Variants in CFAP299 observed in about 807,000 individuals in gnomAD.
CFAP299 encodes cilia- and flagella-associated protein 299.
In CFAP299, 21 loss-of-function variants were observed where a neutral mutation model predicts 27.0. The observed-to-expected ratio is 0.78, with a 90% CI of 0.55 to 1.12. The LOEUF is 1.12. Among genes scored for constraint, CFAP299 ranks in the 50% most tolerant of loss-of-function variants. The pLI is 0.00. For missense variants in CFAP299, 310 were observed against 276.6 expected (o/e 1.12, Z -0.86); for synonymous variants, 104 against 98.1 (o/e 1.06, Z -0.36).
rs555833632 is a variant in CFAP299, at chr4:80,784,703, G to C, written c.334-85290G>C. On this transcript the variant is annotated intron_variant, in intron 3 of 5. Coordinates refer to ENST00000358105, the MANE Select transcript of CFAP299 (RefSeq NM_152770.3). ...CAGCTAATTTTGTATTTCTAGTGGA[G>C]ACTAGAAATGGGTTTCTCCATGTTG... is the stretch of plus-strand genomic sequence containing the variant. 6.6e-5 allele frequency among the ~76,000 whole-genome samples: 10 copies of C among 151,796 alleles called. No individual in the cohort carries two copies. The South Asian group carries it at 1.9e-3, about 28-fold the overall frequency.
intron 2 of CFAP299, among the ~76,000 whole-genome samples, chr4:80,449,341 A>G (rs28455549): frequency 0.096 from 14,531 of 152,036 alleles, 1,742 homozygotes; most frequent in African/African-American, 0.28. Flanking sequence ...TTTAAATTTT[A>G]TTATTAATCA....
chr4:80,833,053 GATTTT>G (rs953266694), intron 3 of CFAP299, among the ~76,000 whole-genome samples: 9 of 151,876 alleles, frequency 5.9e-5, no homozygotes, highest in African/African-American at 1.7e-4. Context: ...TACGTTTTGT[GATTTT>G]ATAGTAATTA....
In CFAP299 at chr4:80,624,049, T is replaced by A. The variant is rs1193499359; in HGVS notation, c.333+40866T>A. Among the ~76,000 whole-genome samples, 5 of 152,266 alleles carry A rather than the reference T, an allele frequency of 3.3e-5. No homozygotes were observed. The South Asian group carries it at 8.3e-4, about 25-fold the overall frequency. On this transcript the variant is annotated intron_variant, in intron 3 of 5. Transcript: ENST00000358105. Reference sequence around the variant, plus strand: ...GCCAGTCTGCTAAGGCTGGAATAAGTACCTAGTTCTTCAAATATGCAGATG... The same window carrying A: ...GCCAGTCTGCTAAGGCTGGAATAAGAACCTAGTTCTTCAAATATGCAGATG...
intron 2 of CFAP299, among the ~76,000 whole-genome samples, chr4:80,427,977 A>T (rs1459624312): frequency 6.6e-6 from 1 of 152,224 alleles, no homozygotes; most frequent in Non-Finnish European, 1.5e-5. Context: ...AAAAACAAAG[A>T]ACCATTGGGC....
chr4:80,330,482 C>T, the CFAP299 span, among the ~76,000 whole-genome samples: 1 of 152,086 alleles, frequency 6.6e-6, no homozygotes, highest in Non-Finnish European at 1.5e-5. Context: ...ATCACCCTTC[C>T]CTGAACATAC....
At chr4:80,636,201 C>T (rs1330658743) in intron 3 of CFAP299, among the ~76,000 whole-genome samples, 2 of 152,154 alleles carry the variant, frequency 1.3e-5, no homozygotes, top group African/African-American at 2.4e-5. Context: ...AAGAAAGTGA[C>T]ACCTGCCTAG....
intron 3 of CFAP299, among the ~76,000 whole-genome samples, chr4:80,635,873 C>A (rs1306121235): frequency 6.6e-6 from 1 of 152,028 alleles, no homozygotes; most frequent in Non-Finnish European, 1.5e-5. Flanking sequence ...GGTGACTGCA[C>A]AGAATTTGGA....
intron 3 of CFAP299, among the ~76,000 whole-genome samples, chr4:80,590,457 T>C (rs554697035): frequency 6.6e-6 from 1 of 152,142 alleles, no homozygotes; most frequent in Admixed American, 6.5e-5. Context: ...ACCAACATGG[T>C]GAAACCCTGT....
chr4:80,903,610 T>C (rs1495628), intron 4 of CFAP299, among the ~76,000 whole-genome samples: 5,128 of 152,052 alleles, frequency 0.034, 231 homozygotes, highest in African/African-American at 0.1. Flanking sequence ...GAGATATATA[T>C]TGGCAATATG....
At chr4:80,808,261 A>T (rs910855189) in intron 3 of CFAP299, among the ~76,000 whole-genome samples, 16 of 152,228 alleles carry the variant, frequency 1.1e-4, no homozygotes, top group Non-Finnish European at 1.6e-4. Context: ...TTATTCAGTT[A>T]TTTTGGTTAC....
intron 2 of CFAP299, among the ~76,000 whole-genome samples, chr4:80,375,215 G>A (rs1040550050): frequency 1.3e-5 from 2 of 152,188 alleles, no homozygotes; most frequent in Non-Finnish European, 1.5e-5. Flanking sequence ...GTCCATAGAA[G>A]AGCACAAAGG....
chr4:80,703,029 T>C (rs1381156625), intron 3 of CFAP299, among the ~76,000 whole-genome samples: 1 of 151,848 alleles, frequency 6.6e-6, no homozygotes, highest in Non-Finnish European at 1.5e-5. Flanking sequence ...TCCATGACCC[T>C]GTCTTGACTT....
intron 4 of CFAP299, among the ~76,000 whole-genome samples, chr4:80,917,351 A>C (rs993201420): frequency 6.6e-6 from 1 of 152,208 alleles, no homozygotes; most frequent in Non-Finnish European, 1.5e-5. Flanking sequence ...ATGTATTACT[A>C]TTCAAAATTC....
intron 4 of CFAP299, among the ~76,000 whole-genome samples, chr4:80,921,537 A>G (rs932917118): frequency 2.0e-5 from 3 of 152,084 alleles, no homozygotes; most frequent in African/African-American, 7.2e-5. Flanking sequence ...AAGGGAAACT[A>G]TCAGTAGTTC....
At position 80,718,356 on chromosome 4, in the gene CFAP299, T is replaced by C. The variant is rs139271913; in HGVS notation, c.333+135173T>C. ...TTATATTCAATATATTTTTGGTGAA[T>C]TGAAGAAACTACAGAAGTAGGAGAA... On this transcript the variant is annotated intron_variant, in intron 3 of 5. Coordinates refer to ENST00000358105, the MANE Select transcript of CFAP299 (RefSeq NM_152770.3). Among the ~76,000 whole-genome samples, 1,435 of 152,156 alleles carry C rather than the reference T, an allele frequency of 9.4e-3. 18 individuals are homozygous for C. Among genetic ancestry groups the C allele is most frequent in the South Asian group, 0.062 (298 of 4,826 alleles).
intron 2 of CFAP299, among the ~76,000 whole-genome samples, chr4:80,365,204 C>G (rs574565182): frequency 5.6e-4 from 86 of 152,284 alleles, no homozygotes; most frequent in African/African-American, 2.0e-3. Flanking sequence ...AATTTACACT[C>G]CCACCAACAG....
intron 4 of CFAP299, among the ~76,000 whole-genome samples, chr4:80,931,457 C>T (rs149778626): frequency 2.2e-4 from 33 of 152,162 alleles, no homozygotes; most frequent in African/African-American, 7.2e-4. Context: ...TTGACATGAA[C>T]GATGTCAAGT....
At chr4:80,624,615 A>G (rs1204930010) in intron 3 of CFAP299, among the ~76,000 whole-genome samples, 1 of 152,118 alleles carries the variant, frequency 6.6e-6, no homozygotes, top group Non-Finnish European at 1.5e-5. Flanking sequence ...AAAGACATCA[A>G]TTTCCAGGTA....
At chr4:80,769,886 G>A (rs1248712098) in intron 3 of CFAP299, among the ~76,000 whole-genome samples, 2 of 152,110 alleles carry the variant, frequency 1.3e-5, no homozygotes, top group East Asian at 3.9e-4. Flanking sequence ...TGTCACTAAG[G>A]CCCCTGTCTT....
Sources: allele counts gnomAD v4.1 joint callset (sites outside exome capture counted in the v4.1 genomes callset), GRCh38; gene constraint gnomAD v4.1.1; transcripts MANE v1.5; gene names NCBI Gene and HGNC (gene_info 2026-07-23, HGNC 2026-07-21).